The following ECE1 variants were observed in gnomAD, a reference collection of about 807,000 sequenced individuals.
ECE1 encodes the protein endothelin converting enzyme 1.
In ECE1, 35 loss-of-function variants were observed where a neutral mutation model predicts 98.6. That is an observed-to-expected ratio of 0.35 (90% CI 0.27 to 0.47). The LOEUF is 0.47. Ranked by LOEUF, ECE1 falls within the 20% of genes least tolerant of loss-of-function variation. The pLI is 1.00. For missense variants in ECE1, 814 were observed against 1,025.3 expected (o/e 0.79, Z 2.81); for synonymous variants, 394 against 407.1 (o/e 0.97, Z 0.39).
rs143716921 is a variant in ECE1 at position 21,283,034 on chromosome 1, C to T, written c.139-3702G>A. 1.1e-3 allele frequency among the ~76,000 whole-genome samples: 168 copies of T among 150,074 alleles called. 1 individual carries two copies. In the East Asian group the frequency reaches 0.03, roughly 27 times the overall value. On this transcript the variant is annotated intron_variant, in intron 2 of 18. Coordinates refer to ENST00000374893, the MANE Select transcript of ECE1 (RefSeq NM_001397.3). ...TCGGCTCATTGCAACCTTGGCCTCC[C>T]GGGTTCAAGAGATTCTCCTGCCTCA...
intron 2 of ECE1, among the ~76,000 whole-genome samples, chr1:21,283,812 A>T (rs991958304): frequency 6.6e-6 from 1 of 152,256 alleles, no homozygotes; most frequent in Non-Finnish European, 1.5e-5. Context: ...GAATTGAATT[A>T]AAAATTCATA....
intron 1 of ECE1, chr1:21,299,919 T>TA (rs1558422231): frequency 6.6e-6 from 1 of 152,170 alleles, no homozygotes; most frequent in African/African-American, 2.4e-5. Context: ...GTCCTTTATT[T>TA]AAAAAACTAA....
intron 2 of ECE1, among the ~76,000 whole-genome samples, chr1:21,280,910 C>T (rs1040417503): frequency 2.0e-5 from 3 of 152,126 alleles, no homozygotes; most frequent in Admixed American, 6.5e-5. Context: ...GAAAAGGGGC[C>T]GGGCACGGCG....
chr1:21,227,745 G>A (rs2098176167), intron 15 of ECE1, among the ~76,000 whole-genome samples, 186 bp downstream of exon 15: 1 of 152,096 alleles, frequency 6.6e-6, no homozygotes, highest in Non-Finnish European at 1.5e-5. Context: ...CCACTGTGCA[G>A]GGCTTCCAGA....
chr1:21,230,603 G>C (rs537362799), intron 14 of ECE1, among the ~76,000 whole-genome samples: 2 of 152,196 alleles, frequency 1.3e-5, no homozygotes, highest in South Asian at 4.2e-4. Context: ...GGCAATGCTT[G>C]TCTTGAACTC....
At chr1:21,329,197 G>A (rs1467746145) in intron 1 of ECE1, among the ~76,000 whole-genome samples, 7 of 152,140 alleles carry the variant, frequency 4.6e-5, no homozygotes, top group African/African-American at 1.7e-4. Context: ...CCCTCCCCCC[G>A]ACACTTACTG....
intron 17 of ECE1, 158 bp from the exon 18 acceptor site, chr1:21,222,000 T>C: frequency 2.8e-6 from 2 of 723,276 alleles, no homozygotes; most frequent in South Asian, 1.4e-5. Context: ...CTTCTTGATG[T>C]GCACTCGTTT....
At chr1:21,329,463 T>C (rs1639149497) in intron 1 of ECE1, among the ~76,000 whole-genome samples, 1 of 152,176 alleles carries the variant, frequency 6.6e-6, no homozygotes, top group African/African-American at 2.4e-5. Flanking sequence ...TAGATTGAGG[T>C]GCAAATTCCA....
rs146122139 is a variant in ECE1, at chr1:21,324,975, C to T, written c.3+20401G>A. Among the ~76,000 whole-genome samples the T allele has an allele frequency of 4.3e-4, 66 of 152,306 alleles. 1 individual carries two copies. The East Asian group carries it at 0.012, about 28-fold the overall frequency. ...ACGAAAGAAGGAGAAAAACAGTTCT[C>T]GTTAAGCCATGTCTTCAATGGAGGT... On this transcript the variant is annotated intron_variant, in intron 1 of 18. Coordinates refer to the ECE1 transcript ENST00000415912.
intron 16 of ECE1, among the ~76,000 whole-genome samples, chr1:21,226,415 C>T (rs913603009): frequency 1.3e-5 from 2 of 152,152 alleles, no homozygotes; most frequent in Admixed American, 1.3e-4. Flanking sequence ...ACAGCGCTTG[C>T]TAAACTTCAT....
At position 21,260,943 on chromosome 1, in the gene ECE1, T is replaced by C. The variant is rs1240042207; in HGVS notation, c.494-551A>G. Among the ~76,000 whole-genome samples, 1 of 152,208 alleles carries C rather than the reference T, an allele frequency of 6.6e-6. No individual in the cohort carries two copies. Among genetic ancestry groups the C allele is most frequent in the Non-Finnish European group, 1.5e-5 (1 of 68,036 alleles). ...GCCGTTTTCCACCGCCCTTGCCAACTCCAGCAAGCAGCATCTCCCTCCTGC... is the reference window on the plus strand; with the variant it reads ...GCCGTTTTCCACCGCCCTTGCCAACCCCAGCAAGCAGCATCTCCCTCCTGC... On this transcript the variant is annotated intron_variant, in intron 4 of 18. Transcript: ENST00000374893. This position sits in a 1 kb window ranked among gnomAD's most constrained non-coding sequence, Gnocchi z 4.3.
intron 4 of ECE1, among the ~76,000 whole-genome samples, chr1:21,267,688 G>A (rs1467973408): frequency 2.0e-5 from 3 of 152,086 alleles, no homozygotes; most frequent in African/African-American, 4.8e-5. Flanking sequence ...ATCAATCCAC[G>A]TAACCATTCC....
rs1233728518 is a variant in ECE1 at position 21,279,118 on chromosome 1, C to G, written c.280+73G>C. 4 of 1,611,860 alleles carry G rather than the reference C, an allele frequency of 2.5e-6. No homozygotes were observed. The African/African-American group carries it at 4.0e-5, about 16-fold the overall frequency. The stretch of plus-strand genomic sequence containing the variant: ...CCCTGCCCCGGCTTAAGCAGGGAAG[C>G]CCCCCTCGCCCGAGCTGACGGAGCC... On this transcript the variant is annotated intron_variant, in intron 3 of 18. Transcript: ENST00000374893.
intron 12 of ECE1, 148 bp from the exon 13 acceptor site, chr1:21,236,075 G>C: frequency 1.3e-6 from 1 of 789,278 alleles, no homozygotes; most frequent in Admixed American, 1.9e-5. Flanking sequence ...TTCTGGAAAG[G>C]TTTCCCCCTT....
intron 4 of ECE1, among the ~76,000 whole-genome samples, chr1:21,265,391 G>A (rs992264013): frequency 6.6e-6 from 1 of 152,118 alleles, no homozygotes; most frequent in Admixed American, 6.6e-5. Context: ...AGTTATCCGG[G>A]TGTGGTGGCG....
chr1:21,292,171 TAAAAA>T (rs1006669539), upstream of ECE1, among the ~76,000 whole-genome samples: 2 of 150,800 alleles, frequency 1.3e-5, no homozygotes, highest in African/African-American at 4.9e-5. Context: ...ATAAATAAAA[TAAAAA>T]AAAATTCTGA....
At chr1:21,226,962 G>A (rs1032000281) in intron 16 of ECE1, among the ~76,000 whole-genome samples, 197 bp downstream of exon 16, 1 of 152,134 alleles carries the variant, frequency 6.6e-6, no homozygotes, top group Non-Finnish European at 1.5e-5. Context: ...GACCTCAGGT[G>A]ATCCACCAGC....
chr1:21,225,496 G>A lies in ECE1; in HGVS notation c.1850-56C>T, dbSNP rs557779341. The A allele has an allele frequency of 1.9e-6, 3 of 1,583,976 alleles. No individual in the cohort carries two copies. The highest frequency in any genetic ancestry group is 2.7e-5 in the African/African-American group (2 of 74,166). On this transcript the variant is annotated intron_variant, in intron 16 of 18. Transcript: ENST00000374893. This position sits in a 1 kb window ranked among gnomAD's most constrained non-coding sequence, Gnocchi z 5.3. ...GGAGGGAGGGGCACAGCAGGGACCT[G>A]CTGCTCCTCCCTGCTCCTGGTGAGA...
intron 1 of ECE1, among the ~76,000 whole-genome samples, chr1:21,295,528 C>T (rs1282272081): frequency 6.6e-6 from 1 of 152,152 alleles, no homozygotes; most frequent in Non-Finnish European, 1.5e-5. Context: ...TTAAAATTTA[C>T]TATGAAGTTC....
Sources: allele counts gnomAD v4.1 joint callset (sites outside exome capture counted in the v4.1 genomes callset), GRCh38; gene constraint gnomAD v4.1.1; non-coding constraint Gnocchi (gnomAD v3.1); transcripts MANE v1.5; gene names NCBI Gene and HGNC (gene_info 2026-07-23, HGNC 2026-07-21).